Variants in RANBP10 observed in about 807,000 individuals in gnomAD.
RANBP10 encodes ran-binding protein 10.
RANBP10 carries 24 observed loss-of-function variants against 72.8 expected under a neutral mutation model. The ratio of observed to expected loss-of-function variants is 0.33; its 90% CI spans 0.24 to 0.46. The LOEUF (loss-of-function observed/expected upper bound fraction) is 0.46, where lower values mean the gene tolerates loss of function less well. Among genes scored for constraint, RANBP10 ranks in the 20% least tolerant of loss-of-function variants. RANBP10 has a pLI of 1.00. For synonymous variants in RANBP10, 310 were observed against 322.3 expected, an observed-to-expected ratio of 0.96 and a Z score of 0.41; for missense variants, 679 against 817.5, an observed-to-expected ratio of 0.83 and a Z score of 2.07.
chr16:67,768,207 C>T (rs1330704371), intron 3 of RANBP10, among the ~76,000 whole-genome samples: 1 of 149,982 alleles, frequency 6.7e-6, no homozygotes, highest in African/African-American at 2.4e-5. Flanking sequence ...GGCAACATGG[C>T]AAAACCCTGT....
At chr16:67,754,881 T>A (rs999983271) in intron 3 of RANBP10, among the ~76,000 whole-genome samples, 1 of 152,172 alleles carries the variant, frequency 6.6e-6, no homozygotes, top group Non-Finnish European at 1.5e-5. Flanking sequence ...GGAGTAGGCA[T>A]GGTTGTCAAA....
intron 2 of RANBP10, among the ~76,000 whole-genome samples, chr16:67,776,326 G>A (rs561855374): frequency 6.6e-6 from 1 of 151,748 alleles, no homozygotes; most frequent in African/African-American, 2.4e-5. Context: ...GCCGGGTGTG[G>A]TGGAACATGG....
chr16:67,727,375 G>C lies in RANBP10; in HGVS notation c.1684C>G (p.Pro562Ala), dbSNP rs2053623520. ...WSCPVGQQLD[P>A]IQREPVCAAL... ...GCACACACAGGTTCCCTCTGGATGGGGTCAAGCTGCTGGCCAACTGGGCAG... is the reference window on the plus strand; with the variant it reads ...GCACACACAGGTTCCCTCTGGATGGCGTCAAGCTGCTGGCCAACTGGGCAG... Residue 562 changes from proline to alanine, a missense_variant, in exon 13 of 14, where the codon CCC becomes GCC. Physicochemically the swap from Pro to Ala is conservative, Grantham distance 27 (BLOSUM62 -1). Coordinates refer to ENST00000317506, the MANE Select transcript of RANBP10 (RefSeq NM_020850.3). The C allele has an allele frequency of 1.9e-6, 3 of 1,613,766 alleles. No individual in the cohort carries two copies. The highest frequency in any genetic ancestry group is 2.5e-6 in the Non-Finnish European group (3 of 1,179,954).
At chr16:67,738,070 C>T in intron 4 of RANBP10, 35 bp from the exon 5 acceptor site, 4 of 1,567,962 alleles carry the variant, frequency 2.6e-6, no homozygotes, top group Non-Finnish European at 3.5e-6. Flanking sequence ...CAGGGCCAGC[C>T]CCTGGGGCTA....
chr16:67,739,612 C>T lies in RANBP10; in HGVS notation c.569-1577G>A, dbSNP rs79437385. ...GACCAGCATGGGCAACATAGCGAGG[C>T]TCCGTCTCTACAAAATATATAAAAT... On this transcript the variant is annotated intron_variant, in intron 4 of 13. Coordinates refer to ENST00000317506, the MANE Select transcript of RANBP10 (RefSeq NM_020850.3). 3.9e-3 allele frequency among the ~76,000 whole-genome samples: 598 copies of T among 152,208 alleles called. 6 individuals are homozygous for T. Among genetic ancestry groups the T allele is most frequent in the African/African-American group, 0.013 (548 of 41,520 alleles).
chr16:67,762,220 C>G (rs1362818777), intron 3 of RANBP10, among the ~76,000 whole-genome samples: 1 of 152,188 alleles, frequency 6.6e-6, no homozygotes, highest in Non-Finnish European at 1.5e-5. Flanking sequence ...GAGCTATGAT[C>G]ATGCTACTGT....
At position 67,751,924 on chromosome 16, in the gene RANBP10, T is replaced by G. The variant is rs529507879; in HGVS notation, c.401-7469A>C. Among the ~76,000 whole-genome samples the G allele has an allele frequency of 3.3e-5, 5 of 152,012 alleles. No homozygotes were observed. In the South Asian group the frequency reaches 1.0e-3, roughly 32 times the overall value. ...AAAAAAAAGAAAGAATTTAAAAATT[T>G]TTAACTCTGGCTATAAATATGGATT... On this transcript the variant is annotated intron_variant, in intron 3 of 13. Transcript: ENST00000317506.
intron 3 of RANBP10, 30 bp downstream of exon 3, chr16:67,772,004 G>A: frequency 6.4e-7 from 1 of 1,559,072 alleles, no homozygotes. Context: ...CAGGAGAGCA[G>A]AACAAATGTT....
chr16:67,768,792 C>G (rs1257934703), intron 3 of RANBP10, among the ~76,000 whole-genome samples: 1 of 152,174 alleles, frequency 6.6e-6, no homozygotes, highest in African/African-American at 2.4e-5. Context: ...CTAAGACTAC[C>G]TAAAAGACAA....
At position 67,725,799 on chromosome 16, in the gene RANBP10, G is replaced by A. The variant is rs1287904110; in HGVS notation, c.*629C>T. On this transcript the variant is annotated 3_prime_UTR_variant, in exon 14 of 14. Coordinates refer to ENST00000317506, the MANE Select transcript of RANBP10 (RefSeq NM_020850.3). The stretch of plus-strand genomic sequence containing the variant: ...GGTTTCCTAGGCTGCAGCTCGGCCT[G>A]TGACTCAAAAAAGGGGGAGCAAAAA... 1 of 152,458 alleles carries A rather than the reference G, an allele frequency of 6.6e-6. No homozygotes were observed. Among genetic ancestry groups the A allele is most frequent in the Non-Finnish European group, 1.5e-5 (1 of 68,018 alleles). The allele number at this position is 152,458 out of a possible 1,614,324, so 9.4% of individuals were successfully genotyped here. A position where few individuals can be genotyped will look rare whatever the true frequency, so the allele number is the denominator to read the frequency against.
intron 10 of RANBP10, among the ~76,000 whole-genome samples, chr16:67,728,870 A>G (rs1020279580): frequency 3.9e-5 from 6 of 152,234 alleles, no homozygotes; most frequent in African/African-American, 1.2e-4. Context: ...AACTCAGGTC[A>G]GCCTTGAGGT....
chr16:67,737,187 C>CTTTTTTT (rs1567678347), intron 5 of RANBP10, among the ~76,000 whole-genome samples: 1 of 128,376 alleles, frequency 7.8e-6, no homozygotes, highest in African/African-American at 3.5e-5. Flanking sequence ...AAACTCCATC[C>CTTTTTTT]TTTTCTTTTT....
intron 3 of RANBP10, among the ~76,000 whole-genome samples, chr16:67,751,220 T>C (rs1302994581): frequency 2.6e-5 from 4 of 152,352 alleles, no homozygotes; most frequent in East Asian, 3.9e-4. Flanking sequence ...TCTCAGTGTA[T>C]GGGAGTTCAA....
intron 3 of RANBP10, among the ~76,000 whole-genome samples, chr16:67,760,810 C>T (rs1373725847): frequency 6.6e-6 from 1 of 152,158 alleles, no homozygotes; most frequent in African/African-American, 2.4e-5. Context: ...TATCAACTAC[C>T]CAGCTCTGAT....
intron 2 of RANBP10, among the ~76,000 whole-genome samples, chr16:67,794,943 A>AAACAAAAAAAAAAAACAGC (rs1567715034): frequency 6.7e-6 from 1 of 148,878 alleles, no homozygotes; most frequent in Non-Finnish European, 1.5e-5. Flanking sequence ...AAAAAAAAAA[A>AAACAAAAAAAAAAAACAGC]AACAAAAAAA....
chr16:67,729,608 A>C lies in RANBP10; in HGVS notation c.1147+72T>G. On this transcript the variant is annotated intron_variant, in intron 9 of 13. Transcript: ENST00000317506. This position sits in a 1 kb window ranked among gnomAD's most constrained non-coding sequence, Gnocchi z 7.1. The stretch of plus-strand genomic sequence containing the variant: ...CAGCAGTGAGCCCTGAGCCCAGCCC[A>C]GGAAAGGGTATGTGGAGTGGCCTCT... 2.6e-6 allele frequency: 4 copies of C among 1,560,110 alleles called. No individual in the cohort carries two copies. The highest frequency in any genetic ancestry group is 3.5e-6 in the Non-Finnish European group (4 of 1,153,742).
At chr16:67,727,053 G>A (rs1474781525) in intron 13 of RANBP10, among the ~76,000 whole-genome samples, 6 of 152,218 alleles carry the variant, frequency 3.9e-5, no homozygotes. Flanking sequence ...CCAGCACTTT[G>A]GGAGGCTAAG....
chr16:67,794,084 T>C (rs2055080661), intron 2 of RANBP10, among the ~76,000 whole-genome samples: 1 of 152,124 alleles, frequency 6.6e-6, no homozygotes, highest in South Asian at 2.1e-4. Flanking sequence ...GGTCTCACTA[T>C]GTTGTCCAGG....
Position 67,728,387 on chromosome 16 carries a change from C to T in RANBP10, c.1474+3G>A. The T allele has an allele frequency of 6.2e-7, 1 of 1,613,862 alleles. No homozygotes were observed. The highest frequency in any genetic ancestry group is 8.5e-7 in the Non-Finnish European group (1 of 1,179,808). On this transcript the variant is annotated splice_donor_region_variant and intron_variant, in intron 11 of 13. Transcript: ENST00000317506. The stretch of plus-strand genomic sequence containing the variant: ...GAATAGCACACCGGGCCGTGGCTCT[C>T]ACCCATGCTGGACTCATCCGTCTGC...
Sources: gnomAD v4.1 joint callset for allele counts (sites outside exome capture counted in the v4.1 genomes callset) on GRCh38, gnomAD v4.1.1 for gene constraint, Gnocchi (gnomAD v3.1) non-coding constraint, MANE v1.5 for transcripts, NCBI Gene and HGNC (gene_info 2026-07-23, HGNC 2026-07-21) for gene names.